Variants in TPO observed in about 807,000 individuals in gnomAD.
TPO encodes thyroid microsomal antigen.
Under a neutral mutation model 96.9 loss-of-function variants are expected in TPO, and 78 were observed. The ratio of observed to expected loss-of-function variants is 0.81; its 90% CI spans 0.67 to 0.97. TPO has a LOEUF of 0.97. Among genes scored for constraint, TPO ranks in the 50% least tolerant of loss-of-function variants. The pLI is 0.00. For missense variants in TPO, 1,252 were observed against 1,274.8 expected (o/e 0.98, Z 0.27); for synonymous variants, 547 against 538.0 (o/e 1.02, Z -0.23).
intron 5 of TPO, among the ~76,000 whole-genome samples, chr2:1,443,592 C>G (rs960656181): frequency 1.5e-5 from 2 of 135,054 alleles, no homozygotes; most frequent in Non-Finnish European, 1.5e-5. Context: ...TTTGTATGAT[C>G]CAGTCATTGC....
At chr2:1,540,135 TCCTCCCCCTCA>T (rs1680561370) in intron 15 of TPO, among the ~76,000 whole-genome samples, 1 of 152,080 alleles carries the variant, frequency 6.6e-6, no homozygotes, top group Non-Finnish European at 1.5e-5. Context: ...GGACGGCGCT[TCCTCCCCCTCA>T]TCTCCAGGTC....
intron 8 of TPO, among the ~76,000 whole-genome samples, chr2:1,483,969 TC>T (rs1203682668): frequency 6.6e-6 from 1 of 152,240 alleles, no homozygotes; most frequent in Non-Finnish European, 1.5e-5. Context: ...CTAGAATTAT[TC>T]CTATTATGCT....
upstream of TPO, among the ~76,000 whole-genome samples, chr2:1,412,871 C>T (rs978038845): frequency 6.6e-6 from 1 of 151,496 alleles, no homozygotes; most frequent in African/African-American, 2.4e-5. Context: ...GGTGACCTTC[C>T]TACAGAACAT....
intron 15 of TPO, among the ~76,000 whole-genome samples, chr2:1,525,517 C>T (rs1041865825): frequency 1.0e-4 from 12 of 117,030 alleles, no homozygotes; most frequent in Non-Finnish European, 5.2e-5. Context: ...GGTACAACCT[C>T]CTCAAATCCC....
In TPO at chr2:1,484,598, C is replaced by T. The variant is rs751494220; in HGVS notation, c.1341C>T (p.Ile447=). The T allele has an allele frequency of 2.5e-6, 4 of 1,614,134 alleles. No homozygotes were observed. The highest frequency in any genetic ancestry group is 8.5e-7 in the Non-Finnish European group (1 of 1,180,040). The part of the protein sequence containing the change: ...ARKVVGALHQ[I]ITLRDYIPRI... The stretch of plus-strand genomic sequence containing the variant: ...AGATGCTTTTCCTATCTGCACAGAT[C>T]ATCACCCTGAGGGATTACATCCCCA... Residue 447 remains isoleucine, a splice_region_variant and synonymous_variant, in exon 9 of 17, where the codon ATC becomes ATT. Transcript: ENST00000329066.
chr2:1,448,285 G>A (rs1573229064), intron 5 of TPO, among the ~76,000 whole-genome samples: 1 of 152,162 alleles, frequency 6.6e-6, no homozygotes, highest in Non-Finnish European at 1.5e-5. Flanking sequence ...TGTGCTCCAC[G>A]CAGCTCCTGC....
At chr2:1,535,955 C>T (rs1348614671) in intron 15 of TPO, among the ~76,000 whole-genome samples, 10 of 44,930 alleles carry the variant, frequency 2.2e-4, no homozygotes, top group Non-Finnish European at 4.5e-4. Context: ...TGTGCAACCT[C>T]CTCAAATCCC....
At chr2:1,439,468 A>AT (rs1429485762) in intron 5 of TPO, 1 of 152,036 alleles carries the variant, frequency 6.6e-6, no homozygotes, top group African/African-American at 2.4e-5. Context: ...TGGGTGGTTT[A>AT]TTTTTTCTCT....
chr2:1,392,858 T>C (rs1302698291), intron 1 of TPO, among the ~76,000 whole-genome samples: 1 of 152,230 alleles, frequency 6.6e-6, no homozygotes, highest in African/African-American at 2.4e-5. Flanking sequence ...TATCATTTTT[T>C]ATTGCATCTA....
intron 1 of TPO, among the ~76,000 whole-genome samples, chr2:1,386,390 G>T (rs1460769254): frequency 1.3e-5 from 2 of 152,132 alleles, no homozygotes; most frequent in Admixed American, 6.5e-5. Context: ...TTATGAATCT[G>T]GGCGATCCTG....
intron 13 of TPO, among the ~76,000 whole-genome samples, chr2:1,497,251 G>A (rs1196074425): frequency 6.6e-6 from 1 of 152,196 alleles, no homozygotes; most frequent in Non-Finnish European, 1.5e-5. Context: ...TGGCTTCCTG[G>A]CGGTAATTTG....
At chr2:1,430,279 C>A (rs1167253049) in intron 3 of TPO, among the ~76,000 whole-genome samples, 1 of 152,202 alleles carries the variant, frequency 6.6e-6, no homozygotes, top group South Asian at 2.1e-4. Flanking sequence ...ACAGCTTGAA[C>A]AGTCCAAGCC....
intron 1 of TPO, among the ~76,000 whole-genome samples, chr2:1,381,296 G>T (rs953988288): frequency 1.3e-5 from 2 of 152,026 alleles, no homozygotes; most frequent in African/African-American, 4.8e-5. Flanking sequence ...AATCTACAAA[G>T]AACTTAAATT....
At chr2:1,518,438 C>T (rs868040270) in intron 15 of TPO, among the ~76,000 whole-genome samples, 1 of 152,238 alleles carries the variant, frequency 6.6e-6, no homozygotes. Flanking sequence ...TTTTTGTGAT[C>T]ACTTGTAAGG....
At chr2:1,504,615 G>A (rs141558231) in intron 14 of TPO, among the ~76,000 whole-genome samples, 15 of 152,326 alleles carry the variant, frequency 9.8e-5, no homozygotes, top group Admixed American at 1.3e-4. Context: ...CAGGGACAGC[G>A]TCTTCCTCAC....
At chr2:1,473,676 TTAA>T (rs1669639349) in intron 7 of TPO, among the ~76,000 whole-genome samples, 1 of 152,198 alleles carries the variant, frequency 6.6e-6, no homozygotes, top group Non-Finnish European at 1.5e-5. Context: ...TTTTGTATAT[TTAA>T]TGATGTTTTA....
At chr2:1,466,906 A>G (rs1336375016) in intron 7 of TPO, among the ~76,000 whole-genome samples, 1 of 150,634 alleles carries the variant, frequency 6.6e-6, no homozygotes, top group East Asian at 2.0e-4. Flanking sequence ...GATCTTGGTT[A>G]TTTCCTTTCT....
intron 5 of TPO, among the ~76,000 whole-genome samples, chr2:1,447,498 C>T (rs1438391169): frequency 6.6e-6 from 1 of 152,188 alleles, no homozygotes; most frequent in African/African-American, 2.4e-5. Context: ...CCTCAACCAC[C>T]TTGGACACAA....
intron 1 of TPO, among the ~76,000 whole-genome samples, chr2:1,383,498 G>C (rs1056055645): frequency 1.3e-5 from 2 of 152,162 alleles, no homozygotes; most frequent in Non-Finnish European, 1.5e-5. Context: ...AGTTTTTCAT[G>C]TGTCTGTTGG....
Sources: allele counts gnomAD v4.1 joint callset (sites outside exome capture counted in the v4.1 genomes callset), GRCh38; gene constraint gnomAD v4.1.1; transcripts MANE v1.5; gene names NCBI Gene and HGNC (gene_info 2026-07-23, HGNC 2026-07-21).